Variants in DST observed in about 807,000 individuals in gnomAD.
DST encodes dystonin, also known as bullous pemphigoid antigen.
Under a neutral mutation model 875.2 loss-of-function variants are expected in DST, and 253 were observed. The observed-to-expected ratio is 0.29, with a 90% CI of 0.26 to 0.32. The LOEUF is 0.32. DST is among the 10% of genes least tolerant of loss of function. The probability of loss-of-function intolerance (pLI) is 1.00; values close to 1 mark genes in which losing one functional copy is unlikely to be tolerated. For missense variants in DST, 8,287 were observed against 9,111.6 expected (o/e 0.91, Z 3.68); for synonymous variants, 3,124 against 3,197.1 (o/e 0.98, Z 0.77).
intron 68 of DST, among the ~76,000 whole-genome samples, chr6:56,527,002 C>T (rs985880814): frequency 3.3e-5 from 5 of 152,142 alleles, no homozygotes; most frequent in Non-Finnish European, 5.9e-5. Context: ...AGAATCATTA[C>T]AGGCTCAGTG....
intron 91 of DST, among the ~76,000 whole-genome samples, chr6:56,476,678 A>T (rs2095205877): frequency 1.3e-5 from 2 of 152,114 alleles, no homozygotes; most frequent in Non-Finnish European, 2.9e-5. Context: ...AGATACTGGC[A>T]GGGCGTGGTG....
intron 3 of DST, among the ~76,000 whole-genome samples, chr6:56,865,173 G>A (rs1275509097): frequency 2.0e-5 from 3 of 152,090 alleles, no homozygotes; most frequent in Admixed American, 6.5e-5. Context: ...AACAGAAACA[G>A]CCTAGCCCAA....
chr6:56,875,704 G>A (rs1261112337), intron 3 of DST, among the ~76,000 whole-genome samples: 1 of 152,120 alleles, frequency 6.6e-6, no homozygotes, highest in Non-Finnish European at 1.5e-5. Context: ...TGGTGTCAAT[G>A]GTAGAGGGCT....
chr6:56,632,625 T>C (rs996576607), intron 28 of DST, among the ~76,000 whole-genome samples: 9 of 152,252 alleles, frequency 5.9e-5, no homozygotes, highest in Non-Finnish European at 8.8e-5. Context: ...AATTCGTTGT[T>C]TGTCCAACCA....
chr6:56,779,212 C>T (rs946799014), intron 4 of DST, among the ~76,000 whole-genome samples: 1 of 152,062 alleles, frequency 6.6e-6, no homozygotes, highest in African/African-American at 2.4e-5. Flanking sequence ...AAATCCTTCA[C>T]CCACTTTTTG....
chr6:56,942,579 T>C (rs1338701178), intron 2 of DST, among the ~76,000 whole-genome samples: 1 of 152,070 alleles, frequency 6.6e-6, no homozygotes, highest in Non-Finnish European at 1.5e-5. Context: ...TTTGCAAATG[T>C]ATAGGAATTC....
Position 56,603,843 on chromosome 6 carries a change from G to C in DST, c.10785C>G (p.Thr3595=), listed in dbSNP as rs746622467. 11 of 1,607,198 alleles carry C rather than the reference G, an allele frequency of 6.8e-6. No individual in the cohort carries two copies. Among genetic ancestry groups the C allele is most frequent in the Non-Finnish European group, 9.3e-6 (11 of 1,177,180 alleles). The stretch of plus-strand genomic sequence containing the variant: ...AATGTATAGGTCAACTTACTTGTTC[G>C]GTTGAGCTATCTCCAGAAGCCATCT... ...SKEMASGDSS[T]EQFSSELQQC... Residue 3595 remains threonine (T), a synonymous_variant, in exon 40 of 104, where the codon ACC becomes ACG. Coordinates refer to ENST00000680361, the MANE Select transcript of DST (RefSeq NM_001374736.1).
At chr6:56,844,817 A>G (rs1453526004) in intron 4 of DST, among the ~76,000 whole-genome samples, 1 of 151,578 alleles carries the variant, frequency 6.6e-6, no homozygotes, top group Non-Finnish European at 1.5e-5. Flanking sequence ...GGTTGCAGTG[A>G]GCCGAGATCA....
chr6:56,463,845 C>T, intron 100 of DST, 81 bp from the exon 101 acceptor site: 3 of 1,349,706 alleles, frequency 2.2e-6, no homozygotes, highest in Non-Finnish European at 3.2e-6. Flanking sequence ...GAAGAACGGC[C>T]ACCTGGCACC....
intron 34 of DST, 23 bp downstream of exon 34, chr6:56,627,181 C>T (rs933235394): frequency 1.9e-6 from 3 of 1,541,434 alleles, no homozygotes; most frequent in Non-Finnish European, 1.8e-6. Flanking sequence ...TTAAATTTTA[C>T]TAAAGTTAAT....
At chr6:56,923,957 CTACTAAAGATACAAAAATTCACAGGG>C (rs1489314178) in intron 2 of DST, among the ~76,000 whole-genome samples, 1 of 152,126 alleles carries the variant, frequency 6.6e-6, no homozygotes, top group Non-Finnish European at 1.5e-5. Flanking sequence ...AATCCTATCT[CTACTAAAGATACAAAAATTCACAGGG>C]TATGGTGGTA....
In DST at chr6:56,463,574, G is replaced by A; in HGVS notation, c.22950C>T (p.Thr7650=). The A allele has an allele frequency of 6.3e-7, 1 of 1,587,176 alleles. No homozygotes were observed. The highest frequency in any genetic ancestry group is 2.2e-5 in the East Asian group (1 of 44,520). ...TCATCCTGAGTCTTACCTTGGGTGT[G>A]GTGGTGGCAGGGACCTGTGGGGAGG... ...QAASPQVPAT[T]TPKILHPLTR... Residue 7650 remains threonine (T), a synonymous_variant, in exon 101 of 104, where the codon ACC becomes ACT. Transcript: ENST00000680361.
rs186788522 is a variant in DST, at chr6:56,553,303, C to G, written c.15489G>C (p.Glu5163Asp). 24 of 1,613,196 alleles carry G rather than the reference C, an allele frequency of 1.5e-5. No homozygotes were observed. The Admixed American group carries it at 3.3e-4, about 22-fold the overall frequency. ...TATACTTAAGGGCTTTTTCCAATGA[C>G]TCTTTTAACTTGTTTTCTCTTTCTT... ...QVKERENKLK[E>D]SLEKALKYKE... Residue 5163 changes from glutamate (E) to aspartate (D), a missense_variant, in exon 61 of 104, where the codon GAG (glutamate) becomes GAC (aspartate). Transcript: ENST00000680361.
intron 4 of DST, among the ~76,000 whole-genome samples, chr6:56,823,545 G>A (rs1210254035): frequency 6.6e-6 from 1 of 151,966 alleles, no homozygotes; most frequent in Admixed American, 6.6e-5. Context: ...CTAGTAGCTG[G>A]GACTACAGGT....
chr6:56,847,649 C>T (rs1373914933), intron 4 of DST, among the ~76,000 whole-genome samples: 1 of 152,160 alleles, frequency 6.6e-6, no homozygotes, highest in Non-Finnish European at 1.5e-5. Flanking sequence ...TTCCATCAAG[C>T]TCTTTAAATC....
intron 3 of DST, among the ~76,000 whole-genome samples, chr6:56,893,110 C>A (rs1049382599): frequency 1.3e-5 from 2 of 152,190 alleles, no homozygotes; most frequent in Non-Finnish European, 2.9e-5. Context: ...ATCACCCAAG[C>A]AGTATACATT....
rs536854610 is a variant in DST at position 56,595,331 on chromosome 6, G to A, written c.12196-1138C>T. Reference sequence around the variant, plus strand: ...ATTGCACCCATCTCCATTGAGTCCCGTTTAAATGCTGAAAACTGGTCCCCC... The same window carrying A: ...ATTGCACCCATCTCCATTGAGTCCCATTTAAATGCTGAAAACTGGTCCCCC... On this transcript the variant is annotated intron_variant, in intron 47 of 103. Coordinates refer to ENST00000680361, the MANE Select transcript of DST (RefSeq NM_001374736.1). Among the ~76,000 whole-genome samples the A allele has an allele frequency of 3.9e-5, 6 of 151,972 alleles. No homozygotes were observed. The East Asian group carries it at 9.7e-4, about 25-fold the overall frequency.
At chr6:56,656,608 A>G (rs1370369323) in intron 10 of DST, among the ~76,000 whole-genome samples, 2 of 152,236 alleles carry the variant, frequency 1.3e-5, no homozygotes, top group African/African-American at 4.8e-5. Context: ...AGGAAGTTAT[A>G]TAACTTGACC....
intron 9 of DST, among the ~76,000 whole-genome samples, chr6:56,695,329 C>T (rs536484781): frequency 4.6e-4 from 70 of 152,090 alleles, no homozygotes; most frequent in African/African-American, 1.6e-3. Flanking sequence ...CCATGATGAT[C>T]CAAATAAACC....
Sources: allele counts gnomAD v4.1 joint callset (sites outside exome capture counted in the v4.1 genomes callset), GRCh38; gene constraint gnomAD v4.1.1; transcripts MANE v1.5; gene names NCBI Gene and HGNC (gene_info 2026-07-23, HGNC 2026-07-21).